TRPM2: variants seen among roughly 807,000 people sequenced by gnomAD.
TRPM2 encodes the protein transient receptor potential cation channel subfamily M member 2.
In TRPM2, 161 loss-of-function variants were observed where a neutral mutation model predicts 174.0. That is an observed-to-expected ratio of 0.93 (90% CI 0.81 to 1.05). The LOEUF is 1.05. Ranked by LOEUF, TRPM2 falls within the 50% of genes least tolerant of loss-of-function variation. TRPM2 has a pLI of 0.00. For missense variants in TRPM2, 2,057 were observed against 2,038.0 expected, an observed-to-expected ratio of 1.01 and a Z score of -0.18; for synonymous variants, 954 against 861.3, an observed-to-expected ratio of 1.11 and a Z score of -1.88.
At position 44,369,354 on chromosome 21, in the gene TRPM2, C is replaced by A. The variant is rs767440844; in HGVS notation, c.771+11C>A. Reference sequence around the variant, plus strand: ...CTGATCCATCCCACGGTGAGTGCGGCCCCCTAGGGAGGGGAGCCTAAGACC... The same window carrying A: ...CTGATCCATCCCACGGTGAGTGCGGACCCCTAGGGAGGGGAGCCTAAGACC... On this transcript the variant is annotated intron_variant, in intron 5 of 31. Transcript: ENST00000397928. 6.3e-7 allele frequency: 1 copy of A among 1,599,786 alleles called. No individual in the cohort carries two copies. The highest frequency in any genetic ancestry group is 1.1e-5 in the South Asian group (1 of 89,754).
At chr21:44,351,377 C>G (rs2047924101), upstream of TRPM2, among the ~76,000 whole-genome samples, 1 of 152,242 alleles carries the variant, frequency 6.6e-6, no homozygotes, top group Non-Finnish European at 1.5e-5. Flanking sequence ...GGCTCCACTG[C>G]CCCCTTTCTC....
At chr21:44,372,112 ACT>A (rs1265008568) in intron 5 of TRPM2, among the ~76,000 whole-genome samples, 5 of 152,058 alleles carry the variant, frequency 3.3e-5, no homozygotes, top group African/African-American at 7.2e-5. Context: ...ACAGAGCAAG[ACT>A]CTGTCTAAAC....
rs1028521175 is a variant in TRPM2 at position 44,367,726 on chromosome 21, G to A, written c.604+792G>A. ...TGCTCTTCCTGGGGTCTGGGGTCTG[G>A]TCTTTGCCTCGCAGTGGAGTCGTAA... On this transcript the variant is annotated intron_variant, in intron 4 of 31. Coordinates refer to ENST00000397928, the MANE Select transcript of TRPM2 (RefSeq NM_003307.4). This position sits in a 1 kb window ranked among gnomAD's most constrained non-coding sequence, Gnocchi z 4.6. 3.3e-5 allele frequency among the ~76,000 whole-genome samples: 5 copies of A among 152,260 alleles called. No individual in the cohort carries two copies. The highest frequency in any genetic ancestry group is 7.3e-5 in the Non-Finnish European group (5 of 68,048).
chr21:44,405,810 C>G lies in TRPM2; in HGVS notation c.2658-95C>G, dbSNP rs1053894414. The G allele has an allele frequency of 2.0e-6, 3 of 1,487,730 alleles. No homozygotes were observed. The African/African-American group carries it at 4.2e-5, about 21-fold the overall frequency. The allele number at this position is 1,487,730 out of a possible 1,614,324, so 92.2% of individuals were successfully genotyped here. On this transcript the variant is annotated intron_variant, in intron 17 of 31. Transcript: ENST00000397928. ...CAGAGCCCTTTGCCTCCAGGGCCCA[C>G]CTGGGCTAGGACAGGTGGAGGGGCG...
At position 44,439,047 on chromosome 21, in the gene TRPM2, T is replaced by C. The variant is rs368816622; in HGVS notation, c.4168-20T>C. The C allele has an allele frequency of 2.2e-4, 359 of 1,606,692 alleles. No individual in the cohort carries two copies. The highest frequency in any genetic ancestry group is 2.9e-4 in the Non-Finnish European group (336 of 1,175,952). On this transcript the variant is annotated intron_variant, in intron 29 of 31. Coordinates refer to ENST00000397928, the MANE Select transcript of TRPM2 (RefSeq NM_003307.4). The surrounding 1 kb of genome is among the most constrained non-coding windows in gnomAD (Gnocchi z 5.1). ...CGCTTCGGTGCCCTGTTGACCTGCC[T>C]CCGTCCTCTGTCTGTCCAGGGCTCC...
intron 9 of TRPM2, among the ~76,000 whole-genome samples, chr21:44,387,762 T>G (rs2049053631): frequency 6.6e-6 from 1 of 151,922 alleles, no homozygotes; most frequent in South Asian, 2.1e-4. Flanking sequence ...TTTAAAGAAG[T>G]CGTACAAATG....
chr21:44,381,907 C>CA (rs751389057), intron 8 of TRPM2, among the ~76,000 whole-genome samples: 5,123 of 66,750 alleles, frequency 0.077, 367 homozygotes, highest in African/African-American at 0.17. Context: ...AAGTCTGTCT[C>CA]AAAAAAAAAA....
chr21:44,367,083 C>T lies in TRPM2; in HGVS notation c.604+149C>T. 1.0e-6 allele frequency: 1 copy of T among 958,654 alleles called. No individual in the cohort carries two copies. Among genetic ancestry groups the T allele is most frequent in the Non-Finnish European group, 1.5e-6 (1 of 666,218 alleles). 59.4% of individuals were successfully genotyped at this position (958,654 alleles called of 1,614,324 possible). A position where few individuals can be genotyped will look rare whatever the true frequency, so the allele number is the denominator to read the frequency against. On this transcript the variant is annotated intron_variant, in intron 4 of 31. Coordinates refer to ENST00000397928, the MANE Select transcript of TRPM2 (RefSeq NM_003307.4). The surrounding 1 kb of genome is among the most constrained non-coding windows in gnomAD (Gnocchi z 4.6). ...GCCTGAGTCGGACCCATGCACCTCT[C>T]ACCTGGGCACAGCTGCTCCCTGACG...
At chr21:44,420,147 G>A (rs1365720241) in intron 22 of TRPM2, among the ~76,000 whole-genome samples, 2 of 152,110 alleles carry the variant, frequency 1.3e-5, no homozygotes, top group African/African-American at 4.8e-5. Context: ...TTCCAGTTGA[G>A]CCCTTGGCAT....
At position 44,391,666 on chromosome 21, in the gene TRPM2, CG is replaced by C. The variant is rs1432020012; in HGVS notation, c.1794+44del. The C allele has an allele frequency of 1.4e-6, 2 of 1,481,408 alleles. No homozygotes were observed. Among genetic ancestry groups the C allele is most frequent in the African/African-American group, 2.8e-5 (2 of 71,232 alleles). The allele number at this position is 1,481,408 out of a possible 1,614,324, so 91.8% of individuals were successfully genotyped here. A position where few individuals can be genotyped will look rare whatever the true frequency, so the allele number is the denominator to read the frequency against. On this transcript the variant is annotated intron_variant, in intron 11 of 31. Coordinates refer to ENST00000397928, the MANE Select transcript of TRPM2 (RefSeq NM_003307.4). This position sits in a 1 kb window ranked among gnomAD's most constrained non-coding sequence, Gnocchi z 5.0. ...GGGGCCCATCCTGGACTCGTCTTCG[CG>C]GGCTACTGCTATGTTCTTAGAGCTC...
chr21:44,418,740 G>A (rs2050406047), intron 22 of TRPM2, among the ~76,000 whole-genome samples, 185 bp downstream of exon 22: 1 of 152,150 alleles, frequency 6.6e-6, no homozygotes, highest in African/African-American at 2.4e-5. Context: ...GCTGACCCAG[G>A]ACCCTCTGCG....
At chr21:44,360,739 A>G (rs1239344881) in intron 2 of TRPM2, among the ~76,000 whole-genome samples, 2 of 151,668 alleles carry the variant, frequency 1.3e-5, no homozygotes, top group Admixed American at 1.3e-4. Context: ...GCTAATGTTT[A>G]TATTTTTAGT....
intron 5 of TRPM2, among the ~76,000 whole-genome samples, chr21:44,375,293 C>T (rs1234772018): frequency 1.3e-5 from 2 of 152,222 alleles, no homozygotes; most frequent in African/African-American, 4.8e-5. Flanking sequence ...CTTCTAAATC[C>T]TCCCGTCGTC....
chr21:44,432,696 G>A lies in TRPM2; in HGVS notation c.3975-2435G>A, dbSNP rs1223138775. Among the ~76,000 whole-genome samples, 7 of 152,252 alleles carry A rather than the reference G, an allele frequency of 4.6e-5. No homozygotes were observed. The highest frequency in any genetic ancestry group is 4.6e-4 in the Admixed American group (7 of 15,302). On this transcript the variant is annotated intron_variant, in intron 27 of 31. Coordinates refer to ENST00000397928, the MANE Select transcript of TRPM2 (RefSeq NM_003307.4). This position sits in a 1 kb window ranked among gnomAD's most constrained non-coding sequence, Gnocchi z 4.9. ...TTCCTCTTTCGAATCCACTCCACTTGGGCTTTGCTTGCCCCCTCTTTCTGA... is the reference window on the plus strand; with the variant it reads ...TTCCTCTTTCGAATCCACTCCACTTAGGCTTTGCTTGCCCCCTCTTTCTGA...
intron 11 of TRPM2, among the ~76,000 whole-genome samples, chr21:44,392,729 C>T (rs1295410796): frequency 1.3e-5 from 2 of 152,136 alleles, no homozygotes; most frequent in African/African-American, 4.8e-5. Context: ...AGAGTTGCGT[C>T]CATAACATAC....
intron 25 of TRPM2, among the ~76,000 whole-genome samples, chr21:44,426,307 C>T (rs929584953): frequency 6.6e-6 from 1 of 152,192 alleles, no homozygotes; most frequent in South Asian, 2.1e-4. Context: ...CAGAACATTC[C>T]AGGCTGCTGC....
chr21:44,378,854 C>G, intron 7 of TRPM2, 143 bp from the exon 8 acceptor site: 1 of 910,744 alleles, frequency 1.1e-6, no homozygotes, highest in Non-Finnish European at 1.6e-6. Flanking sequence ...GGGGACGCCA[C>G]GAAACTAATA....
In TRPM2 at chr21:44,379,086, C is replaced by G; in HGVS notation, c.1104C>G (p.Asn368Lys). 6.2e-7 allele frequency: 1 copy of G among 1,613,276 alleles called. No homozygotes were observed. The highest frequency in any genetic ancestry group is 8.5e-7 in the Non-Finnish European group (1 of 1,180,036). ...RVADVIAQVANLPVSDITISL... is the reference protein window; with the variant it reads ...RVADVIAQVAKLPVSDITISL... Reference sequence around the variant, plus strand: ...CCGACGTCATTGCCCAGGTGGCCAACCTGCCTGTCTCGGACATCACTATCT... The same window carrying G: ...CCGACGTCATTGCCCAGGTGGCCAAGCTGCCTGTCTCGGACATCACTATCT... The change falls in exon 8 of 32, where the codon AAC becomes AAG. Residue 368 changes from asparagine (N) to lysine (K), a missense_variant. Transcript: ENST00000397928.
rs142826004 is a variant in TRPM2, at chr21:44,364,266, G to C, written c.407G>C (p.Ser136Thr). The part of the protein sequence containing the change: ...AFGDIVFTGL[S>T]QKVKKYVRVS... ...GGCGACATCGTCTTCACGGGCCTGAGCCAGAAGGTGAAAAAGGTTGGTTTC... is the reference window on the plus strand; with the variant it reads ...GGCGACATCGTCTTCACGGGCCTGACCCAGAAGGTGAAAAAGGTTGGTTTC... Residue 136 changes from serine to threonine, a missense_variant, in exon 3 of 32, where the codon AGC (serine) becomes ACC (threonine). Physicochemically the swap from Ser to Thr is moderately conservative, Grantham distance 58. Coordinates refer to ENST00000397928, the MANE Select transcript of TRPM2 (RefSeq NM_003307.4). The C allele has an allele frequency of 1.2e-6, 2 of 1,614,192 alleles. No homozygotes were observed. The highest frequency in any genetic ancestry group is 3.3e-5 in the Admixed American group (2 of 60,034).
Sources: gnomAD v4.1 joint callset for allele counts (sites outside exome capture counted in the v4.1 genomes callset) on GRCh38, gnomAD v4.1.1 for gene constraint, Gnocchi (gnomAD v3.1) non-coding constraint, MANE v1.5 for transcripts, NCBI Gene and HGNC (gene_info 2026-07-23, HGNC 2026-07-21) for gene names.